FTO: variants seen among roughly 807,000 people sequenced by gnomAD.
FTO encodes the protein FTO alpha-ketoglutarate dependent dioxygenase, also known as alpha-ketoglutarate-dependent dioxygenase FTO.
In FTO, 47 loss-of-function variants were observed where a neutral mutation model predicts 63.9. That is an observed-to-expected ratio of 0.74 (90% confidence interval 0.58 to 0.94). FTO has a LOEUF of 0.94. FTO is among the 40% of genes least tolerant of loss of function. FTO has a pLI of 0.00. For missense variants in FTO, 562 were observed against 618.1 expected, an observed-to-expected ratio of 0.91 and a Z score of 0.96; for synonymous variants, 207 against 224.4, an observed-to-expected ratio of 0.92 and a Z score of 0.69.
intron 8 of FTO, among the ~76,000 whole-genome samples, chr16:53,951,275 T>G (rs2082794295): frequency 6.6e-6 from 1 of 152,196 alleles, no homozygotes. Flanking sequence ...GAACTTAGGC[T>G]AATAACAGGG....
chr16:53,749,600 G>C (rs879720869), intron 1 of FTO, among the ~76,000 whole-genome samples: 2 of 151,884 alleles, frequency 1.3e-5, no homozygotes, highest in African/African-American at 4.8e-5. Flanking sequence ...CATCACGCCC[G>C]GCCAATTTTT....
chr16:53,761,707 T>C (rs1016410828), intron 1 of FTO, among the ~76,000 whole-genome samples: 3 of 152,056 alleles, frequency 2.0e-5, no homozygotes, highest in Non-Finnish European at 4.4e-5. Flanking sequence ...AAGAATTCTC[T>C]ACTGTTTTGG....
Position 54,120,597 on chromosome 16 carries a change from G to T in FTO, c.*8682G>T, listed in dbSNP as rs2086998648. Reference sequence around the variant, plus strand: ...TTATAGATGGGGCAATGGAAGTCCAGATGGGAGAAGTTATTTCAGGTGAAT... The same window carrying T: ...TTATAGATGGGGCAATGGAAGTCCATATGGGAGAAGTTATTTCAGGTGAAT... On this transcript the variant is annotated 3_prime_UTR_variant, in exon 9 of 9. Transcript: ENST00000471389. 1 of 152,214 alleles carries T rather than the reference G, an allele frequency of 6.6e-6. No homozygotes were observed. Among genetic ancestry groups the T allele is most frequent in the African/African-American group, 2.4e-5 (1 of 41,442 alleles). 9.4% of individuals were successfully genotyped at this position (152,214 alleles called of 1,614,324 possible).
intron 1 of FTO, among the ~76,000 whole-genome samples, chr16:53,742,517 A>G (rs981262514): frequency 6.6e-6 from 1 of 152,198 alleles, no homozygotes; most frequent in Non-Finnish European, 1.5e-5. Context: ...GCAATCCAGC[A>G]CTGGTCTGGC....
At chr16:53,729,413 C>T (rs1478978573) in intron 1 of FTO, among the ~76,000 whole-genome samples, 1 of 151,738 alleles carries the variant, frequency 6.6e-6, no homozygotes, top group Non-Finnish European at 1.5e-5. Context: ...TGTATTCTAG[C>T]TACTCGGGAG....
intron 1 of FTO, among the ~76,000 whole-genome samples, chr16:53,723,526 G>A (rs905777739): frequency 6.6e-6 from 1 of 152,160 alleles, no homozygotes; most frequent in Non-Finnish European, 1.5e-5. Flanking sequence ...AAGCACTTAG[G>A]CACTTCAGTT....
intron 1 of FTO, among the ~76,000 whole-genome samples, chr16:53,704,839 A>G (rs1009588701): frequency 2.6e-5 from 4 of 152,214 alleles, no homozygotes; most frequent in African/African-American, 9.7e-5. Flanking sequence ...TAATATTTAA[A>G]TTATTTCATA....
intron 1 of FTO, among the ~76,000 whole-genome samples, chr16:53,743,362 G>T (rs1220218437): frequency 6.6e-6 from 1 of 151,844 alleles, no homozygotes; most frequent in African/African-American, 2.4e-5. Context: ...ACATAAGGAA[G>T]CCTAGACAAC....
At chr16:53,917,910 A>G (rs77110625) in intron 7 of FTO, among the ~76,000 whole-genome samples, 322 of 152,220 alleles carry the variant, frequency 2.1e-3, no homozygotes, top group Non-Finnish European at 3.5e-3. Context: ...TGTGATTTTC[A>G]CTGAATTATC....
chr16:53,736,071 A>C (rs1025788682), intron 1 of FTO, among the ~76,000 whole-genome samples: 2 of 152,196 alleles, frequency 1.3e-5, no homozygotes, highest in African/African-American at 4.8e-5. Context: ...AATAGGTCTT[A>C]TTATTATTAT....
chr16:53,940,336 A>G (rs1210533557), intron 8 of FTO, among the ~76,000 whole-genome samples: 5 of 152,134 alleles, frequency 3.3e-5, no homozygotes, highest in Non-Finnish European at 7.3e-5. Context: ...CTTGTTGGTG[A>G]TAAAGAGCTC....
intron 8 of FTO, among the ~76,000 whole-genome samples, chr16:54,097,415 A>AC (rs1290263785): frequency 6.6e-6 from 1 of 151,832 alleles, no homozygotes; most frequent in East Asian, 1.9e-4. Flanking sequence ...ATTACTGCTC[A>AC]CTGCAACCTC....
At chr16:53,801,930 T>A (rs1395299188) in intron 1 of FTO, among the ~76,000 whole-genome samples, 2 of 152,148 alleles carry the variant, frequency 1.3e-5, no homozygotes, top group Non-Finnish European at 2.9e-5. Flanking sequence ...CAGCTAATTT[T>A]TGTATTTTTA....
intron 7 of FTO, among the ~76,000 whole-genome samples, chr16:53,931,370 G>A (rs1337117877): frequency 6.9e-6 from 1 of 144,284 alleles, no homozygotes; most frequent in Non-Finnish European, 1.5e-5. Context: ...GCAATGGCGC[G>A]ATCTTGGCTC....
At chr16:53,888,550 C>G (rs1257706107) in intron 6 of FTO, among the ~76,000 whole-genome samples, 1 of 152,012 alleles carries the variant, frequency 6.6e-6, no homozygotes, top group Admixed American at 6.6e-5. Flanking sequence ...AAACTCCTGG[C>G]CTCAAGAGAT....
At chr16:53,852,123 C>G (rs1226983269) in intron 4 of FTO, among the ~76,000 whole-genome samples, 1 of 90,646 alleles carries the variant, frequency 1.1e-5, no homozygotes, top group Non-Finnish European at 2.0e-5. Flanking sequence ...AAAAAAAAGC[C>G]AGGTAAGCCA....
At chr16:53,974,963 G>C (rs935468432) in intron 8 of FTO, among the ~76,000 whole-genome samples, 1 of 152,078 alleles carries the variant, frequency 6.6e-6, no homozygotes, top group Non-Finnish European at 1.5e-5. Context: ...ACTATTTATA[G>C]AAACATTTCC....
At chr16:53,961,392 G>A (rs758022342) in intron 8 of FTO, among the ~76,000 whole-genome samples, 42 of 152,262 alleles carry the variant, frequency 2.8e-4, no homozygotes, top group South Asian at 6.2e-4. Flanking sequence ...TTGTTATTGT[G>A]GGCTGACACT....
intron 8 of FTO, among the ~76,000 whole-genome samples, chr16:53,985,868 A>G (rs1417688884): frequency 6.6e-6 from 1 of 152,244 alleles, no homozygotes; most frequent in Non-Finnish European, 1.5e-5. Context: ...GAATCCTGCC[A>G]TATCTTTGAT....
Sources: allele counts gnomAD v4.1 joint callset (sites outside exome capture counted in the v4.1 genomes callset), GRCh38; gene constraint gnomAD v4.1.1; transcripts MANE v1.5; gene names NCBI Gene and HGNC (gene_info 2026-07-23, HGNC 2026-07-21).